The following HK2 variants were observed in gnomAD, a reference collection of about 807,000 sequenced individuals.
HK2 encodes the protein hexokinase 2.
In HK2, 42 loss-of-function variants were observed where a neutral mutation model predicts 92.9. The ratio of observed to expected loss-of-function variants is 0.45; its 90% CI spans 0.35 to 0.58. The LOEUF (loss-of-function observed/expected upper bound fraction) is 0.58, where lower values mean the gene tolerates loss of function less well. Among genes scored for constraint, HK2 ranks in the 20% least tolerant of loss-of-function variants. The probability of loss-of-function intolerance (pLI) is 0.00; values close to 1 mark genes in which losing one functional copy is unlikely to be tolerated. For synonymous variants in HK2, 422 were observed against 468.0 expected, an observed-to-expected ratio of 0.90 and a Z score of 1.27; for missense variants, 978 against 1,245.1, an observed-to-expected ratio of 0.79 and a Z score of 3.23.
intron 2 of HK2, among the ~76,000 whole-genome samples, chr2:74,858,617 TA>T (rs1318268957): frequency 6.6e-6 from 1 of 152,210 alleles, no homozygotes; most frequent in East Asian, 1.9e-4. Context: ...AAAAGGTGTG[TA>T]AGACTCCCAG....
chr2:74,883,414 G>A (rs1309261736), intron 12 of HK2, among the ~76,000 whole-genome samples: 2 of 152,204 alleles, frequency 1.3e-5, no homozygotes, highest in Admixed American at 6.5e-5. Context: ...AGAAGAATGA[G>A]TTGATGGGAA....
chr2:74,846,777 A>G (rs1227997622), intron 1 of HK2, among the ~76,000 whole-genome samples: 1 of 152,174 alleles, frequency 6.6e-6, no homozygotes, highest in Non-Finnish European at 1.5e-5. Flanking sequence ...CAGCCAAAGT[A>G]TTAGGATTAC....
rs77578120 is a variant in HK2 at position 74,839,241 on chromosome 2, T to C, written c.63+4598T>C. On this transcript the variant is annotated intron_variant, in intron 1 of 17. Transcript: ENST00000290573. ...TTTCAGTTGTCTAGAGAGATATGGC[T>C]GCTAGGTCAAAAGAGTGAATTACCA... Among the ~76,000 whole-genome samples the C allele has an allele frequency of 8.1e-3, 1,236 of 152,312 alleles. 17 individuals carry two copies. The highest frequency in any genetic ancestry group is 0.029 in the African/African-American group (1,196 of 41,564).
chr2:74,838,979 C>T (rs1004143837), intron 1 of HK2, among the ~76,000 whole-genome samples: 2 of 152,132 alleles, frequency 1.3e-5, no homozygotes, highest in African/African-American at 4.8e-5. Flanking sequence ...TTTTAATACG[C>T]ATAGACTGGT....
Position 74,854,308 on chromosome 2 carries a change from T to C in HK2, c.79T>C (p.Tyr27His). 1 of 1,612,748 alleles carries C rather than the reference T, an allele frequency of 6.2e-7. No individual in the cohort carries two copies. The change falls in exon 2 of 18, where the codon TAC (tyrosine) becomes CAC (histidine). Residue 27 changes from tyrosine to histidine, a missense_variant. This residue lies in a region of HK2 where 47 missense variants were observed against 33.1 expected (regional missense o/e 1.42). Transcript: ENST00000290573. ...CCTTTTTCAGGTTGACCAGTATCTC[T>C]ACCACATGCGCCTCTCTGATGAGAC... ...DQVQKVDQYL[Y>H]HMRLSDETLL...
At chr2:74,877,121 A>T in intron 7 of HK2, 45 bp from the exon 8 acceptor site, 1 of 1,611,858 alleles carries the variant, frequency 6.2e-7, no homozygotes, top group East Asian at 2.2e-5. Context: ...CTATGAGTAC[A>T]TGGGCAGTGG....
At chr2:74,852,548 A>G (rs1688595624) in intron 1 of HK2, among the ~76,000 whole-genome samples, 1 of 152,234 alleles carries the variant, frequency 6.6e-6, no homozygotes, top group African/African-American at 2.4e-5. Flanking sequence ...TGTAGGAACC[A>G]GAGATCAGAG....
intron 2 of HK2, among the ~76,000 whole-genome samples, chr2:74,857,026 A>G (rs911470033): frequency 5.9e-5 from 9 of 152,238 alleles, no homozygotes; most frequent in Non-Finnish European, 1.3e-4. Flanking sequence ...TGGAGGCTCC[A>G]AGACCTCCCA....
chr2:74,861,442 G>T (rs1256742924), intron 2 of HK2, among the ~76,000 whole-genome samples: 1 of 151,374 alleles, frequency 6.6e-6, no homozygotes, highest in South Asian at 2.1e-4. Flanking sequence ...AATGCAGGAA[G>T]AATTGATAGC....
At position 74,886,772 on chromosome 2, in the gene HK2, C is replaced by T. The variant is rs10451660; in HGVS notation, c.2219+99C>T. On this transcript the variant is annotated intron_variant, in intron 15 of 17. Transcript: ENST00000290573. ...TGGCATCTCCCAGGACGCCGGTTCT[C>T]GTGAGATGTTAATAAAGGAGGTTTT... 1.8e-4 allele frequency: 218 copies of T among 1,244,666 alleles called. 1 individual carries two copies. In the African/African-American group the frequency reaches 2.2e-3, roughly 12 times the overall value. The allele number at this position is 1,244,666 out of a possible 1,614,324, so 77.1% of individuals were successfully genotyped here.
chr2:74,865,093 G>A (rs978277319), intron 2 of HK2, among the ~76,000 whole-genome samples: 1 of 152,128 alleles, frequency 6.6e-6, no homozygotes, highest in Non-Finnish European at 1.5e-5. Context: ...GAGTCACAGT[G>A]CTAGGCCTGC....
intron 12 of HK2, among the ~76,000 whole-genome samples, chr2:74,883,310 G>A (rs1020006086): frequency 1.3e-5 from 2 of 152,168 alleles, no homozygotes; most frequent in African/African-American, 4.8e-5. Flanking sequence ...TGTGGCCCTC[G>A]TGGGATGGAT....
chr2:74,851,500 A>G (rs570420586), intron 1 of HK2, among the ~76,000 whole-genome samples: 1 of 152,360 alleles, frequency 6.6e-6, no homozygotes, highest in East Asian at 1.9e-4. Context: ...CAGTTTAAAC[A>G]TCGAAGATAA....
At chr2:74,882,630 A>C (rs1450658301) in intron 12 of HK2, among the ~76,000 whole-genome samples, 1 of 59,242 alleles carries the variant, frequency 1.7e-5, no homozygotes, top group East Asian at 5.1e-4. Flanking sequence ...TAGCATTTTT[A>C]AGCACTTACT....
intron 4 of HK2, 87 bp from the exon 5 acceptor site, chr2:74,873,189 T>G (rs1190647483): frequency 1.0e-6 from 1 of 954,182 alleles, no homozygotes. Flanking sequence ...GTGGCAGAGG[T>G]CTCTGCTAAT....
At chr2:74,875,723 G>T (rs577964210) in intron 7 of HK2, among the ~76,000 whole-genome samples, 1 of 152,306 alleles carries the variant, frequency 6.6e-6, no homozygotes, top group South Asian at 2.1e-4. Context: ...AATTTCTGAG[G>T]ATCATACTGG....
chr2:74,890,172 C>A (rs1199572902), intron 17 of HK2, among the ~76,000 whole-genome samples: 1 of 152,156 alleles, frequency 6.6e-6, no homozygotes, highest in Non-Finnish European at 1.5e-5. Context: ...CAGCCACCAA[C>A]CCTGGGACAT....
chr2:74,838,381 TAGTTCGC>T (rs1418974172), intron 1 of HK2, among the ~76,000 whole-genome samples: 1 of 151,656 alleles, frequency 6.6e-6, no homozygotes, highest in East Asian at 1.9e-4. Flanking sequence ...CTTGGAGGGG[TAGTTCGC>T]AGTTATCTCT....
At chr2:74,839,951 CTTTTTT>C (rs773321768) in intron 1 of HK2, among the ~76,000 whole-genome samples, 2 of 97,032 alleles carry the variant, frequency 2.1e-5, no homozygotes, top group Admixed American at 1.1e-4. Context: ...TGCGCCTGGC[CTTTTTT>C]TTTTTTTTTT....
Sources: gnomAD v4.1 joint callset for allele counts (sites outside exome capture counted in the v4.1 genomes callset) on GRCh38, gnomAD v4.1.1 for gene constraint, gnomAD v4.1.1 regional missense constraint, MANE v1.5 for transcripts, NCBI Gene and HGNC (gene_info 2026-07-23, HGNC 2026-07-21) for gene names.